PTPRK: variants seen among roughly 807,000 people sequenced by gnomAD.
The protein encoded by PTPRK is receptor-type tyrosine-protein phosphatase kappa.
Under a neutral mutation model 178.0 loss-of-function variants are expected in PTPRK, and 75 were observed. The ratio of observed to expected loss-of-function variants is 0.42; its 90% CI spans 0.35 to 0.51. The LOEUF is 0.51. Ranked by LOEUF, PTPRK falls within the 20% of genes least tolerant of loss-of-function variation. The pLI, the probability that PTPRK is intolerant of heterozygous loss-of-function variation, is 0.02. For missense variants in PTPRK, 1,441 were observed against 1,797.8 expected, an observed-to-expected ratio of 0.80 and a Z score of 3.59; for synonymous variants, 637 against 620.6, an observed-to-expected ratio of 1.03 and a Z score of -0.39.
chr6:128,212,732 G>GAGACAGAAGTA, intron 6 of PTPRK, among the ~76,000 whole-genome samples: 1 of 151,984 alleles, frequency 6.6e-6, no homozygotes, highest in Non-Finnish European at 1.5e-5. Flanking sequence ...GCAGTGACCA[G>GAGACAGAAGTA]TACCCTACCC....
chr6:127,981,831 A>T (rs1431886486), intron 24 of PTPRK, among the ~76,000 whole-genome samples: 2 of 151,982 alleles, frequency 1.3e-5, no homozygotes, highest in Non-Finnish European at 2.9e-5. Flanking sequence ...TATTATTATT[A>T]CTATTATTAT....
chr6:128,186,042 G>T (rs952194861), intron 6 of PTPRK, among the ~76,000 whole-genome samples: 2 of 151,968 alleles, frequency 1.3e-5, no homozygotes, highest in Non-Finnish European at 2.9e-5. Context: ...AGATTATCTG[G>T]TCTGTACAGC....
At chr6:128,335,799 A>AT (rs1394473067) in intron 2 of PTPRK, among the ~76,000 whole-genome samples, 2 of 152,008 alleles carry the variant, frequency 1.3e-5, no homozygotes, top group Non-Finnish European at 2.9e-5. Flanking sequence ...GAAAAAAAAA[A>AT]CCTGAAACCC....
chr6:128,180,999 G>C (rs969169480), intron 7 of PTPRK, among the ~76,000 whole-genome samples: 1 of 151,984 alleles, frequency 6.6e-6, no homozygotes, highest in African/African-American at 2.4e-5. Flanking sequence ...TTTGTTTCCT[G>C]AGTCTTAAAT....
chr6:127,983,507 C>T (rs1157428386), intron 22 of PTPRK, 130 bp from the exon 23 acceptor site: 1 of 904,810 alleles, frequency 1.1e-6, no homozygotes, highest in East Asian at 2.6e-5. Context: ...CAGCACTTGT[C>T]CCTGCTGTGT....
At chr6:128,372,682 T>C (rs1197499439) in intron 2 of PTPRK, among the ~76,000 whole-genome samples, 2 of 152,134 alleles carry the variant, frequency 1.3e-5, no homozygotes, top group African/African-American at 4.8e-5. Context: ...ATTTTCATTA[T>C]GTTGTATTTT....
intron 25 of PTPRK, 39 bp downstream of exon 25, chr6:127,981,077 C>A: frequency 6.3e-7 from 1 of 1,575,584 alleles, no homozygotes; most frequent in Non-Finnish European, 8.7e-7. Flanking sequence ...ATGTAGCTTT[C>A]CACAACACTC....
At chr6:128,224,469 C>A (rs1276746827) in intron 5 of PTPRK, among the ~76,000 whole-genome samples, 1 of 152,172 alleles carries the variant, frequency 6.6e-6, no homozygotes. Flanking sequence ...TTTTCACCAG[C>A]CAGGCTATTA....
At position 127,982,944 on chromosome 6, in the gene PTPRK, C is replaced by T; in HGVS notation, c.3424G>A (p.Ala1142Thr). Reference protein sequence around the residue: ...YIFIHDAILEACLCGETAIPV... With the variant: ...YIFIHDAILETCLCGETAIPV... The stretch of plus-strand genomic sequence containing the variant: ...ATGGCAGTTTCTCCACATAAGCAGG[C>T]TTCTAAAATGGCATCATGAATAAAA... Residue 1142 changes from alanine (A) to threonine (T), a missense_variant, in exon 24 of 30, where the codon GCC (alanine) becomes ACC (threonine). Physicochemically the swap from Ala to Thr is moderately conservative, Grantham distance 58 (BLOSUM62 0). This residue lies in a region of PTPRK where 335 missense variants were observed against 512.4 expected (regional missense o/e 0.65). Coordinates refer to ENST00000368226, the MANE Select transcript of PTPRK (RefSeq NM_002844.4). 2 of 1,613,138 alleles carry T rather than the reference C, an allele frequency of 1.2e-6. No homozygotes were observed. The highest frequency in any genetic ancestry group is 1.7e-6 in the Non-Finnish European group (2 of 1,179,384).
chr6:128,326,585 T>G (rs1282500382), intron 2 of PTPRK, among the ~76,000 whole-genome samples: 1 of 152,186 alleles, frequency 6.6e-6, no homozygotes, highest in African/African-American at 2.4e-5. Flanking sequence ...AAGTAAAATA[T>G]GCAGGTTATA....
In PTPRK at chr6:127,995,182, A is replaced by G; in HGVS notation, c.2844+280T>C. On this transcript the variant is annotated intron_variant, in intron 18 of 29. Coordinates refer to ENST00000368226, the MANE Select transcript of PTPRK (RefSeq NM_002844.4). The stretch of plus-strand genomic sequence containing the variant: ...TAACTAGTAGTAACAGAGCGTTAGT[A>G]ATAACTGTAATTAAGAATGTTTGTA... 2.8e-6 allele frequency: 4 copies of G among 1,422,392 alleles called. No homozygotes were observed. The Admixed American group carries it at 7.8e-5, about 28-fold the overall frequency. The allele number at this position is 1,422,392 out of a possible 1,614,324, so 88.1% of individuals were successfully genotyped here. A position where few individuals can be genotyped will look rare whatever the true frequency, so the allele number is the denominator to read the frequency against.
chr6:128,194,720 A>C (rs1804558895), intron 6 of PTPRK, among the ~76,000 whole-genome samples: 1 of 152,208 alleles, frequency 6.6e-6, no homozygotes, highest in African/African-American at 2.4e-5. Flanking sequence ...AGTCACCTTT[A>C]AGAGCTAGGA....
intron 3 of PTPRK, among the ~76,000 whole-genome samples, chr6:128,252,221 C>T (rs779018090): frequency 6.6e-6 from 1 of 152,150 alleles, no homozygotes; most frequent in Non-Finnish European, 1.5e-5. Flanking sequence ...CAAATTAGCC[C>T]AGGGAGTTGG....
intron 29 of PTPRK, 36 bp from the exon 30 acceptor site, chr6:127,970,316 TAAGA>T (rs768065022): frequency 7.7e-6 from 12 of 1,553,948 alleles, no homozygotes; most frequent in South Asian, 1.1e-5. Flanking sequence ...TGAGAAAACT[TAAGA>T]AAGAGACTAA....
chr6:128,214,928 T>C (rs996892210), intron 6 of PTPRK, among the ~76,000 whole-genome samples: 5 of 152,174 alleles, frequency 3.3e-5, no homozygotes, highest in Non-Finnish European at 5.9e-5. Flanking sequence ...AAGTGATTGA[T>C]ACTAACCCCC....
intron 7 of PTPRK, among the ~76,000 whole-genome samples, chr6:128,163,727 T>G (rs1037702628): frequency 6.6e-6 from 1 of 151,486 alleles, no homozygotes; most frequent in Non-Finnish European, 1.5e-5. Context: ...ACCAACGCAT[T>G]TAATAGAGGG....
intron 7 of PTPRK, among the ~76,000 whole-genome samples, chr6:128,147,884 C>G (rs900021309): frequency 9.9e-5 from 15 of 152,054 alleles, no homozygotes; most frequent in African/African-American, 3.6e-4. Context: ...GCTTTTCTGC[C>G]TGCTCTATTT....
intron 6 of PTPRK, among the ~76,000 whole-genome samples, chr6:128,190,730 C>A (rs373626788): frequency 2.6e-5 from 4 of 151,900 alleles, no homozygotes; most frequent in African/African-American, 9.7e-5. Context: ...AACTCCAGAC[C>A]GCAGGTGATC....
At chr6:128,348,322 A>T (rs1338487192) in intron 2 of PTPRK, among the ~76,000 whole-genome samples, 1 of 152,012 alleles carries the variant, frequency 6.6e-6, no homozygotes, top group Non-Finnish European at 1.5e-5. Flanking sequence ...TCAAATCCAG[A>T]TGGAGACTAC....
Sources: allele counts gnomAD v4.1 joint callset (sites outside exome capture counted in the v4.1 genomes callset), GRCh38; gene constraint gnomAD v4.1.1; regional missense constraint gnomAD v4.1.1; transcripts MANE v1.5; gene names NCBI Gene and HGNC (gene_info 2026-07-23, HGNC 2026-07-21).